ATP4B: variants seen among roughly 807,000 people sequenced by gnomAD.
ATP4B encodes the protein potassium-transporting ATPase subunit beta.
A neutral mutation model predicts 35.3 loss-of-function variants in ATP4B; 27 were observed. The observed-to-expected ratio is 0.76, with a 90% CI of 0.56 to 1.05. The LOEUF is 1.05. Among genes scored for constraint, ATP4B ranks in the 50% least tolerant of loss-of-function variants. ATP4B has a pLI of 0.00. For synonymous variants in ATP4B, 162 were observed against 156.0 expected (o/e 1.04, Z -0.29); for missense variants, 375 against 384.8 (o/e 0.97, Z 0.21).
At chr13:113,652,756 C>G in intron 4 of ATP4B, 117 bp downstream of exon 4, 1 of 1,205,820 alleles carries the variant, frequency 8.3e-7, no homozygotes, top group Non-Finnish European at 1.2e-6. Context: ...AGGCTGGAGT[C>G]CCTGTCCCGC....
Position 113,653,024 on chromosome 13 carries a change from T to G in ATP4B, c.404A>C (p.Gln135Pro), listed in dbSNP as rs1034265276. The G allele has an allele frequency of 6.2e-7, 1 of 1,613,932 alleles. No homozygotes were observed. The highest frequency in any genetic ancestry group is 1.7e-5 in the Admixed American group (1 of 60,008). The change falls in exon 4 of 7, where the codon CAG (glutamine) becomes CCG (proline). Residue 135 changes from glutamine (Q) to proline (P), a missense_variant. By Grantham distance (76) the Gln-to-Pro change is moderately conservative (BLOSUM62 -1). Transcript: ENST00000335288. ...QEDSINCTSEQYFFQESFRAP... is the reference protein window; with the variant it reads ...QEDSINCTSEPYFFQESFRAP... ...GCGGAAACTCTCCTGGAAGAAGTAC[T>G]GCTCGGAGGTGCAGTTGATGCTGTC...
chr13:113,655,760 C>T (rs1458227844), intron 1 of ATP4B, among the ~76,000 whole-genome samples: 2 of 152,256 alleles, frequency 1.3e-5, no homozygotes, highest in Non-Finnish European at 2.9e-5. Context: ...GGGCCTCCTG[C>T]TCCTCCTCTC....
At chr13:113,651,572 C>T (rs1400216160) in intron 5 of ATP4B, 99 bp downstream of exon 5, 1 of 1,330,922 alleles carries the variant, frequency 7.5e-7, no homozygotes, top group African/African-American at 1.5e-5. Flanking sequence ...GGCTGACATT[C>T]CTGGAGAGAA....
At chr13:113,654,202 G>A in intron 2 of ATP4B, among the ~76,000 whole-genome samples, 1 of 152,234 alleles carries the variant, frequency 6.6e-6, no homozygotes, top group East Asian at 1.9e-4. Flanking sequence ...CTGTTTAGTG[G>A]ATTTTGTTAA....
At chr13:113,651,601 G>A in intron 5 of ATP4B, 70 bp downstream of exon 5, 5 of 1,467,834 alleles carry the variant, frequency 3.4e-6, no homozygotes, top group Middle Eastern at 1.8e-4. Context: ...GCCGTGCCCA[G>A]CATGAACCAG....
At chr13:113,651,563 G>C in intron 5 of ATP4B, 108 bp downstream of exon 5, 1 of 1,274,784 alleles carries the variant, frequency 7.8e-7, no homozygotes, top group Non-Finnish European at 1.0e-6. Context: ...TGGGCCGACG[G>C]CTGACATTCC....
At chr13:113,653,543 C>A in intron 2 of ATP4B, 109 bp from the exon 3 acceptor site, 1 of 875,966 alleles carries the variant, frequency 1.1e-6, no homozygotes, top group East Asian at 2.5e-5. Context: ...AACCCAGGAG[C>A]CTCCTCGGAG....
chr13:113,649,467 G>C lies in ATP4B; in HGVS notation c.783C>G (p.Ile261Met). The change falls in exon 7 of 7, where the codon ATC becomes ATG. Residue 261 changes from isoleucine (I) to methionine (M), a missense_variant. Physicochemically the swap from Ile to Met is conservative, Grantham distance 10. Transcript: ENST00000335288. This position sits in a 1 kb window ranked among gnomAD's most constrained non-coding sequence, Gnocchi z 4.7. ...CGTGCTCCGCCATGACCTTGCACACGATGGCGACCTCAGCGTTCCTGGGGA... is the reference window on the plus strand; with the variant it reads ...CGTGCTCCGCCATGACCTTGCACACCATGGCGACCTCAGCGTTCCTGGGGA... ...LNIPRNAEVA[I>M]VCKVMAEHVT... The C allele has an allele frequency of 6.4e-7, 1 of 1,563,810 alleles. No individual in the cohort carries two copies. Among genetic ancestry groups the C allele is most frequent in the African/African-American group, 1.4e-5 (1 of 73,802 alleles).
At position 113,650,806 on chromosome 13, in the gene ATP4B, C is replaced by T. The variant is rs564487943; in HGVS notation, c.613-299G>A. Among the ~76,000 whole-genome samples the T allele has an allele frequency of 7.2e-4, 110 of 152,130 alleles. No individual in the cohort carries two copies. Among genetic ancestry groups the T allele is most frequent in the African/African-American group, 2.5e-3 (102 of 41,510 alleles). The stretch of plus-strand genomic sequence containing the variant: ...GGGAGGCGGCTTGCTTGTCTGTACT[C>T]GAGGGTAGCCACTGCTCAGTGGCAA... On this transcript the variant is annotated intron_variant, in intron 5 of 6. Transcript: ENST00000335288. This position sits in a 1 kb window ranked among gnomAD's most constrained non-coding sequence, Gnocchi z 5.0.
At chr13:113,654,318 C>T (rs983200657) in intron 2 of ATP4B, among the ~76,000 whole-genome samples, 32 of 152,296 alleles carry the variant, frequency 2.1e-4, no homozygotes, top group Non-Finnish European at 8.8e-5. Flanking sequence ...TGTCCTGTGG[C>T]CTCTGACGAC....
intron 4 of ATP4B, among the ~76,000 whole-genome samples, chr13:113,652,263 C>T (rs1283444851): frequency 6.6e-6 from 1 of 152,254 alleles, no homozygotes; most frequent in African/African-American, 2.4e-5. Flanking sequence ...ACAGCCCCTC[C>T]ATGCCGGCAG....
In ATP4B at chr13:113,653,258, A is replaced by G. The variant is rs1001230708; in HGVS notation, c.355+63T>C. 13 of 1,477,992 alleles carry G rather than the reference A, an allele frequency of 8.8e-6. No individual in the cohort carries two copies. The African/African-American group carries it at 1.3e-4, about 15-fold the overall frequency. The allele number at this position is 1,477,992 out of a possible 1,614,324, so 91.6% of individuals were successfully genotyped here. ...CCACCCGCCGCTTCACACCTCACCCACCCGCCGCTTCACACCTCACCCACC... is the reference window on the plus strand; with the variant it reads ...CCACCCGCCGCTTCACACCTCACCCGCCCGCCGCTTCACACCTCACCCACC... On this transcript the variant is annotated intron_variant, in intron 3 of 6. Coordinates refer to ENST00000335288, the MANE Select transcript of ATP4B (RefSeq NM_000705.4).
intron 1 of ATP4B, among the ~76,000 whole-genome samples, chr13:113,657,686 C>T (rs1458154906): frequency 2.0e-5 from 3 of 152,046 alleles, no homozygotes; most frequent in Non-Finnish European, 2.9e-5. Context: ...CAAGGAATCA[C>T]CGTTGCCACC....
intron 2 of ATP4B, among the ~76,000 whole-genome samples, chr13:113,654,047 G>A (rs950079561): frequency 3.9e-5 from 6 of 152,122 alleles, no homozygotes; most frequent in African/African-American, 9.7e-5. Context: ...TCCACTTCCC[G>A]TGCGATTGGG....
Position 113,649,192 on chromosome 13 carries a change from G to T in ATP4B, c.*182C>A. 1 of 565,892 alleles carries T rather than the reference G, an allele frequency of 1.8e-6. No homozygotes were observed. Among genetic ancestry groups the T allele is most frequent in the Non-Finnish European group, 3.0e-6 (1 of 338,690 alleles). 35.1% of individuals were successfully genotyped at this position (565,892 alleles called of 1,614,324 possible). On this transcript the variant is annotated 3_prime_UTR_variant, in exon 7 of 7. Coordinates refer to ENST00000335288, the MANE Select transcript of ATP4B (RefSeq NM_000705.4). The surrounding 1 kb of genome is among the most constrained non-coding windows in gnomAD (Gnocchi z 4.7). ...TGTAAGAATTCAACAAGGAAGAACT[G>T]ATACTCGCGAGCAGGTCCTTCAGAT...
intron 1 of ATP4B, among the ~76,000 whole-genome samples, chr13:113,657,805 T>C (rs1238124638): frequency 6.6e-6 from 1 of 152,218 alleles, no homozygotes; most frequent in Non-Finnish European, 1.5e-5. Flanking sequence ...TCCACCGGCG[T>C]TCTGCAGCTG....
At chr13:113,656,649 T>G (rs1309758233) in intron 1 of ATP4B, among the ~76,000 whole-genome samples, 1 of 152,122 alleles carries the variant, frequency 6.6e-6, no homozygotes, top group Non-Finnish European at 1.5e-5. Flanking sequence ...CCTGCACCCG[T>G]CCCCCAATTA....
Position 113,653,057 on chromosome 13 carries a change from G to A in ATP4B, c.371C>T (p.Ala124Val). The change falls in exon 4 of 7, where the codon GCC becomes GTC. Residue 124 changes from alanine to valine, a missense_variant. Ala to Val is a moderately conservative substitution (Grantham distance 64, BLOSUM62 0). Transcript: ENST00000335288. ...HAFLAGYSPA[A>V]QEDSINCTSE... ...GGTGCAGTTGATGCTGTCCTCCTGG[G>A]CTGCTGGAGAGTAGCCTGCAGACGG... is the stretch of plus-strand genomic sequence containing the variant. 6.2e-7 allele frequency: 1 copy of A among 1,610,738 alleles called. No homozygotes were observed. Among genetic ancestry groups the A allele is most frequent in the African/African-American group, 1.3e-5 (1 of 74,970 alleles).
intron 5 of ATP4B, 130 bp downstream of exon 5, chr13:113,651,541 C>T (rs2049712081): frequency 9.4e-6 from 10 of 1,062,136 alleles, no homozygotes; most frequent in Admixed American, 3.6e-5. Context: ...TCGGTGTTTA[C>T]GTCTGGTTTA....
Sources: allele counts gnomAD v4.1 joint callset (sites outside exome capture counted in the v4.1 genomes callset), GRCh38; gene constraint gnomAD v4.1.1; non-coding constraint Gnocchi (gnomAD v3.1); transcripts MANE v1.5; gene names NCBI Gene and HGNC (gene_info 2026-07-23, HGNC 2026-07-21).